The following EPN2 variants were observed in gnomAD, a reference collection of about 807,000 sequenced individuals.
EPN2 encodes the protein epsin 2.
EPN2 carries 34 observed loss-of-function variants against 61.7 expected under a neutral mutation model. The ratio of observed to expected loss-of-function variants is 0.55; its 90% CI spans 0.42 to 0.73. EPN2 has a LOEUF of 0.73. Among genes scored for constraint, EPN2 ranks in the 30% least tolerant of loss-of-function variants. The pLI is 0.00. For missense variants in EPN2, 714 were observed against 839.2 expected (o/e 0.85, Z 1.84); for synonymous variants, 349 against 353.6 (o/e 0.99, Z 0.15).
intron 1 of EPN2, among the ~76,000 whole-genome samples, chr17:19,255,782 G>A (rs1250628606): frequency 6.6e-6 from 1 of 151,398 alleles, no homozygotes; most frequent in Non-Finnish European, 1.5e-5. Flanking sequence ...TCAACCACAT[G>A]TGGCTAATTA....
chr17:19,271,100 C>G (rs917450998), intron 1 of EPN2, among the ~76,000 whole-genome samples: 2 of 151,814 alleles, frequency 1.3e-5, no homozygotes, highest in African/African-American at 4.8e-5. Context: ...TTGTTGAGGG[C>G]TGAGTGTGTG....
At chr17:19,293,729 T>C (rs2045488075) in intron 4 of EPN2, among the ~76,000 whole-genome samples, 1 of 151,896 alleles carries the variant, frequency 6.6e-6, no homozygotes, top group Non-Finnish European at 1.5e-5. Flanking sequence ...CATTATTTAA[T>C]TGGGCCCCAG....
intron 7 of EPN2, 131 bp from the exon 8 acceptor site, chr17:19,328,562 GCTGGCGTGGGACAGTACC>G: frequency 1.6e-6 from 1 of 630,978 alleles, no homozygotes; most frequent in Admixed American, 3.5e-5. Context: ...GTCCCTCTTT[GCTGGCGTGGGACAGTACC>G]CTTTTGATGG....
At chr17:19,310,075 G>T in intron 5 of EPN2, 78 bp downstream of exon 5, 2 of 974,742 alleles carry the variant, frequency 2.1e-6, no homozygotes, top group Middle Eastern at 2.4e-4. Flanking sequence ...GAAGAAGATG[G>T]CAGACACAGC....
At chr17:19,310,074 G>A in intron 5 of EPN2, 77 bp downstream of exon 5, 1 of 984,144 alleles carries the variant, frequency 1.0e-6, no homozygotes. Context: ...GGAAGAAGAT[G>A]GCAGACACAG....
At chr17:19,321,255 C>T (rs543209359) in intron 7 of EPN2, among the ~76,000 whole-genome samples, 1 of 152,278 alleles carries the variant, frequency 6.6e-6, no homozygotes, top group South Asian at 2.1e-4. Context: ...CACCAACACT[C>T]AGACCCCCTT....
intron 5 of EPN2, among the ~76,000 whole-genome samples, chr17:19,310,703 G>A (rs1207331300): frequency 2.7e-5 from 4 of 146,964 alleles, no homozygotes; most frequent in South Asian, 2.2e-4. Flanking sequence ...TCAGCGTCCC[G>A]AGTAGCTGGG....
At chr17:19,270,139 TATGA>T (rs1280235935) in intron 1 of EPN2, among the ~76,000 whole-genome samples, 1 of 152,164 alleles carries the variant, frequency 6.6e-6, no homozygotes, top group Non-Finnish European at 1.5e-5. Flanking sequence ...CTCTGTAAGA[TATGA>T]ATAAGAAGAA....
chr17:19,310,162 A>G (rs1447211898), intron 5 of EPN2, among the ~76,000 whole-genome samples, 165 bp downstream of exon 5: 1 of 152,250 alleles, frequency 6.6e-6, no homozygotes, highest in Non-Finnish European at 1.5e-5. Flanking sequence ...CTTGTCACCC[A>G]GTGTCCCTCC....
intron 1 of EPN2, among the ~76,000 whole-genome samples, chr17:19,268,532 GTACATCTTTA>G (rs1460444313): frequency 4.6e-5 from 7 of 152,106 alleles, no homozygotes; most frequent in African/African-American, 1.7e-4. Flanking sequence ...CCTGGCCTTA[GTACATCTTTA>G]TAATGACAAA....
At position 19,309,995 on chromosome 17, in the gene EPN2, C is replaced by A; in HGVS notation, c.877C>A (p.Gln293Lys). Residue 293 changes from glutamine to lysine, a missense_variant and splice_region_variant, in exon 5 of 11, where the codon CAG (glutamine) becomes AAG (lysine). Transcript: ENST00000314728. ...ALAMSREVAE[Q>K]EERLRRGDDL... ...TGCCATGAGCAGAGAAGTGGCTGAGCAGGTCAGTGCCCCAGGCAGGTCTGC... is the reference window on the plus strand; with the variant it reads ...TGCCATGAGCAGAGAAGTGGCTGAGAAGGTCAGTGCCCCAGGCAGGTCTGC... 1 of 1,603,764 alleles carries A rather than the reference C, an allele frequency of 6.2e-7. No individual in the cohort carries two copies. The highest frequency in any genetic ancestry group is 1.1e-5 in the South Asian group (1 of 91,052).
chr17:19,248,208 T>C (rs1437825536), intron 1 of EPN2, among the ~76,000 whole-genome samples: 1 of 152,180 alleles, frequency 6.6e-6, no homozygotes, highest in Non-Finnish European at 1.5e-5. Context: ...GAATCAGGGC[T>C]GGAGAGGAAC....
intron 1 of EPN2, among the ~76,000 whole-genome samples, chr17:19,260,638 T>C (rs887048094): frequency 1.2e-4 from 18 of 151,724 alleles, no homozygotes; most frequent in African/African-American, 4.4e-4. Context: ...TTTTTTTTTT[T>C]AATGAAATGC....
At chr17:19,325,133 A>G (rs1280087588) in intron 7 of EPN2, among the ~76,000 whole-genome samples, 4 of 152,276 alleles carry the variant, frequency 2.6e-5, no homozygotes, top group Non-Finnish European at 5.9e-5. Context: ...CCCTTCTGCA[A>G]ATCCACCCAG....
At chr17:19,239,586 T>G (rs542703218) in intron 1 of EPN2, among the ~76,000 whole-genome samples, 4 of 152,360 alleles carry the variant, frequency 2.6e-5, no homozygotes, top group South Asian at 4.1e-4. Context: ...GAGATACTGG[T>G]TATTAAAGAT....
At chr17:19,299,479 A>G (rs1382541169) in intron 4 of EPN2, among the ~76,000 whole-genome samples, 2 of 152,198 alleles carry the variant, frequency 1.3e-5, no homozygotes, top group African/African-American at 2.4e-5. Flanking sequence ...CCAGCACTCT[A>G]CCTAGAGAAT....
intron 7 of EPN2, among the ~76,000 whole-genome samples, chr17:19,325,139 C>T (rs1163682905): frequency 6.6e-6 from 1 of 152,232 alleles, no homozygotes; most frequent in African/African-American, 2.4e-5. Flanking sequence ...TGCAAATCCA[C>T]CCAGAGGGCT....
intron 1 of EPN2, among the ~76,000 whole-genome samples, chr17:19,251,388 T>A (rs2045013536): frequency 6.6e-6 from 1 of 152,186 alleles, no homozygotes; most frequent in Non-Finnish European, 1.5e-5. Context: ...TGGGGTTGTT[T>A]GTGGGGCTCT....
chr17:19,308,036 A>G, intron 4 of EPN2: 1 of 983,924 alleles, frequency 1.0e-6, no homozygotes, highest in Non-Finnish European at 1.2e-6. Flanking sequence ...CCTAAAATAG[A>G]TGTAATGAAA....
Sources: gnomAD v4.1 joint callset for allele counts (sites outside exome capture counted in the v4.1 genomes callset) on GRCh38, gnomAD v4.1.1 for gene constraint, MANE v1.5 for transcripts, NCBI Gene and HGNC (gene_info 2026-07-23, HGNC 2026-07-21) for gene names.